The following C8A variants were observed in gnomAD, a reference collection of about 807,000 sequenced individuals.
The protein encoded by C8A is complement component C8 alpha chain.
In C8A, 67 loss-of-function variants were observed where a neutral mutation model predicts 65.3. The observed-to-expected ratio is 1.03, with a 90% CI of 0.84 to 1.26. The LOEUF (loss-of-function observed/expected upper bound fraction) is 1.26, where lower values mean the gene tolerates loss of function less well. Among genes scored for constraint, C8A ranks in the 50% most tolerant of loss-of-function variants. C8A has a pLI of 0.00. For missense variants in C8A, 781 were observed against 723.9 expected (o/e 1.08, Z -0.90); for synonymous variants, 290 against 259.4 (o/e 1.12, Z -1.13).
chr1:56,883,736 G>T, intron 6 of C8A, 55 bp downstream of exon 6: 3 of 1,414,918 alleles, frequency 2.1e-6, no homozygotes, highest in Non-Finnish European at 3.0e-6. Context: ...CACTGAACAC[G>T]TATTACCTTA....
intron 7 of C8A, 50 bp downstream of exon 7, chr1:56,886,217 G>C (rs2101248606): frequency 8.1e-6 from 13 of 1,610,466 alleles, no homozygotes; most frequent in Non-Finnish European, 8.5e-6. Flanking sequence ...CAGACACCAG[G>C]TCATGGTTTG....
rs71048450 is a variant in C8A at position 56,857,303 on chromosome 1, TAC to T, written c.77+2351_77+2352del. 2.9e-3 allele frequency among the ~76,000 whole-genome samples: 425 copies of T among 148,782 alleles called. 1 individual carries two copies. The highest frequency in any genetic ancestry group is 8.5e-3 in the African/African-American group (346 of 40,506). On this transcript the variant is annotated intron_variant, in intron 1 of 10. Transcript: ENST00000361249. ...TGTATTTTAAAGCTCTGTTATTAAA[TAC>T]ACACACACACACACACACACACACA...
At chr1:56,912,376 G>T (rs775196421) in intron 9 of C8A, 27 bp from the exon 10 acceptor site, 1 of 1,605,860 alleles carries the variant, frequency 6.2e-7, no homozygotes, top group Non-Finnish European at 8.5e-7. Context: ...CCCAGGGAGG[G>T]GCCCTGTGTT....
chr1:56,872,538 G>T (rs1281453520), intron 2 of C8A, among the ~76,000 whole-genome samples: 2 of 151,938 alleles, frequency 1.3e-5, no homozygotes, highest in Non-Finnish European at 2.9e-5. Flanking sequence ...AAACCTTTAG[G>T]GTATGAATTG....
chr1:56,892,094 C>T (rs566501335), intron 7 of C8A, among the ~76,000 whole-genome samples: 1 of 152,076 alleles, frequency 6.6e-6, no homozygotes, highest in Non-Finnish European at 1.5e-5. Context: ...ACATTTCCAT[C>T]TAGAGTCTTC....
At chr1:56,873,420 GCT>G (rs758434319) in intron 2 of C8A, among the ~76,000 whole-genome samples, 5 of 152,142 alleles carry the variant, frequency 3.3e-5, no homozygotes, top group Non-Finnish European at 7.3e-5. Context: ...GAAGTGGCTT[GCT>G]CATGGGCAGT....
intron 2 of C8A, among the ~76,000 whole-genome samples, chr1:56,868,158 T>A (rs1644109680): frequency 6.6e-6 from 1 of 151,866 alleles, no homozygotes; most frequent in South Asian, 2.1e-4. Flanking sequence ...AAGAGAGGTG[T>A]GTTTACTTTG....
At chr1:56,879,059 T>G (rs900687248) in intron 4 of C8A, among the ~76,000 whole-genome samples, 3 of 152,216 alleles carry the variant, frequency 2.0e-5, no homozygotes, top group Non-Finnish European at 4.4e-5. Context: ...CAGCCGGCTA[T>G]TCTTACAAAT....
At position 56,867,698 on chromosome 1, in the gene C8A, A is replaced by G. The variant is rs770072121; in HGVS notation, c.167A>G (p.Lys56Arg). Residue 56 changes from lysine to arginine, a missense_variant, in exon 2 of 11, where the codon AAA (lysine) becomes AGA (arginine). Coordinates refer to ENST00000361249, the MANE Select transcript of C8A (RefSeq NM_000562.3). Reference protein sequence around the residue: ...EWTDCFPCQDKKYRHRSLLQP... With the variant: ...EWTDCFPCQDRKYRHRSLLQP... Reference sequence around the variant, plus strand: ...ACAGATTGCTTTCCGTGCCAGGACAAAAAGGTGAGACACTTACAACCGGTT... The same window carrying G: ...ACAGATTGCTTTCCGTGCCAGGACAGAAAGGTGAGACACTTACAACCGGTT... The G allele has an allele frequency of 3.7e-5, 60 of 1,612,974 alleles. No individual in the cohort carries two copies. In the South Asian group the frequency reaches 6.4e-4, roughly 17 times the overall value.
intron 7 of C8A, among the ~76,000 whole-genome samples, chr1:56,898,831 C>A (rs1031274418): frequency 6.6e-6 from 1 of 152,156 alleles, no homozygotes; most frequent in Admixed American, 6.5e-5. Context: ...GCCTCCAGAG[C>A]TTTCCTAACA....
intron 8 of C8A, among the ~76,000 whole-genome samples, chr1:56,907,548 T>A (rs1188143715): frequency 1.3e-5 from 2 of 152,214 alleles, no homozygotes; most frequent in Non-Finnish European, 2.9e-5. Context: ...CTAGTTTCTT[T>A]CACTGTGCCC....
Position 56,885,924 on chromosome 1 carries a change from C to T in C8A, c.856-3C>T. 6.2e-7 allele frequency: 1 copy of T among 1,613,818 alleles called. No individual in the cohort carries two copies. The highest frequency in any genetic ancestry group is 8.5e-7 in the Non-Finnish European group (1 of 1,179,880). ...TGCTTTATTCAATGGCGGTTGCTGG[C>T]AGAAATTCATTTTCACAAGAATCTT... On this transcript the variant is annotated splice_polypyrimidine_tract_variant and splice_region_variant and intron_variant, in intron 6 of 10. Coordinates refer to ENST00000361249, the MANE Select transcript of C8A (RefSeq NM_000562.3).
chr1:56,892,864 G>A (rs769399069), intron 7 of C8A, among the ~76,000 whole-genome samples: 9 of 152,270 alleles, frequency 5.9e-5, no homozygotes, highest in Middle Eastern at 3.4e-3. Flanking sequence ...CAGGGAGTCT[G>A]ATGGGACACC....
intron 1 of C8A, among the ~76,000 whole-genome samples, chr1:56,866,043 G>A (rs963746104): frequency 6.6e-6 from 1 of 152,174 alleles, no homozygotes; most frequent in African/African-American, 2.4e-5. Flanking sequence ...TAACATGTAA[G>A]AAATTGCCAC....
rs942938055 is a variant in C8A at position 56,876,199 on chromosome 1, G to A, written c.454G>A (p.Ala152Thr). Reference sequence around the variant, plus strand: ...TGAACCAATTCCAGGATCACAGAAGGCAGCCTTGGGGTGAGGCCCTGCCTA... The same window carrying A: ...TGAACCAATTCCAGGATCACAGAAGACAGCCTTGGGGTGAGGCCCTGCCTA... ...QYEPIPGSQK[A>T]ALGYNILTQE... The change falls in exon 4 of 11, where the codon GCA becomes ACA. Residue 152 changes from alanine (A) to threonine (T), a missense_variant. Coordinates refer to ENST00000361249, the MANE Select transcript of C8A (RefSeq NM_000562.3). The A allele has an allele frequency of 2.0e-5, 32 of 1,613,730 alleles. No homozygotes were observed. Among genetic ancestry groups the A allele is most frequent in the Admixed American group, 3.3e-5 (2 of 59,970 alleles).
At chr1:56,878,925 G>A (rs1397967610) in intron 4 of C8A, among the ~76,000 whole-genome samples, 1 of 152,158 alleles carries the variant, frequency 6.6e-6, no homozygotes, top group Non-Finnish European at 1.5e-5. Flanking sequence ...CATATTGTCT[G>A]CAACTTTCAC....
At chr1:56,892,010 A>G (rs1644350064) in intron 7 of C8A, among the ~76,000 whole-genome samples, 1 of 152,118 alleles carries the variant, frequency 6.6e-6, no homozygotes, top group Non-Finnish European at 1.5e-5. Context: ...TAGATGCACC[A>G]CGAATACTCA....
chr1:56,865,443 C>T (rs541556680), intron 1 of C8A, among the ~76,000 whole-genome samples: 1 of 152,214 alleles, frequency 6.6e-6, no homozygotes, highest in African/African-American at 2.4e-5. Flanking sequence ...CCTGTGATCT[C>T]TTTAATGAGG....
chr1:56,873,774 A>G (rs114890786), intron 2 of C8A, among the ~76,000 whole-genome samples: 3,259 of 152,254 alleles, frequency 0.021, 73 homozygotes, highest in African/African-American at 0.056. Flanking sequence ...CTTGTCGGCC[A>G]CTGTGTGTTT....
Sources: gnomAD v4.1 joint callset for allele counts (sites outside exome capture counted in the v4.1 genomes callset) on GRCh38, gnomAD v4.1.1 for gene constraint, MANE v1.5 for transcripts, NCBI Gene and HGNC (gene_info 2026-07-23, HGNC 2026-07-21) for gene names.